Variants in RNF103 observed in about 807,000 individuals in gnomAD.
RNF103 encodes the protein E3 ubiquitin-protein ligase RNF103.
Under a neutral mutation model 66.2 loss-of-function variants are expected in RNF103, and 23 were observed. The observed-to-expected ratio is 0.35, with a 90% CI of 0.25 to 0.49. The LOEUF is 0.49. RNF103 is among the 20% of genes least tolerant of loss of function. RNF103 has a pLI of 0.98. For missense variants in RNF103, 730 were observed against 814.7 expected, an observed-to-expected ratio of 0.90 and a Z score of 1.27; for synonymous variants, 297 against 289.9, an observed-to-expected ratio of 1.02 and a Z score of -0.25.
At position 86,623,423 on chromosome 2, in the gene RNF103, G is replaced by C. The variant is rs1679315438; in HGVS notation, c.-537C>G. ...GGTCAGGAGGGCGCGGCGCTCGGCC[G>C]GGCCAGGCCCGGGGCCCAGCGTGTT... On this transcript the variant is annotated 5_prime_UTR_variant, in exon 1 of 4. Transcript: ENST00000237455. The C allele has an allele frequency of 6.1e-6, 6 of 981,684 alleles. No individual in the cohort carries two copies. Among genetic ancestry groups the C allele is most frequent in the Non-Finnish European group, 7.2e-6 (6 of 828,444 alleles). The allele number at this position is 981,684 out of a possible 1,614,324, so 60.8% of individuals were successfully genotyped here.
At chr2:86,609,311 A>G (rs1678692055) in intron 3 of RNF103, among the ~76,000 whole-genome samples, 1 of 151,832 alleles carries the variant, frequency 6.6e-6, no homozygotes. Context: ...TGCTGGCACC[A>G]TGGTTCTTAT....
At chr2:86,618,195 G>A in intron 2 of RNF103, 1 of 251,240 alleles carries the variant, frequency 4.0e-6, no homozygotes, top group South Asian at 3.7e-5. Context: ...ATCATTATTT[G>A]TCCTTCACTT....
At chr2:86,620,492 A>C (rs571622982) in intron 1 of RNF103, 23 bp from the exon 2 acceptor site, 49 of 1,529,006 alleles carry the variant, frequency 3.2e-5, no homozygotes, top group Non-Finnish European at 4.2e-5. Context: ...AAAGAATAAC[A>C]CTAATAAGGT....
At chr2:86,620,208 T>TG (rs1260416261) in intron 2 of RNF103, 122 bp downstream of exon 2, 1 of 1,239,796 alleles carries the variant, frequency 8.1e-7, no homozygotes, top group Non-Finnish European at 1.0e-6. Flanking sequence ...CTAAGAGAAC[T>TG]GAGTTATGTG....
At chr2:86,606,642 G>A (rs1210360862) in intron 3 of RNF103, among the ~76,000 whole-genome samples, 6 of 127,510 alleles carry the variant, frequency 4.7e-5, no homozygotes, top group South Asian at 5.1e-4. Context: ...CAGCCTGGGC[G>A]ACAGAGCAAA....
At chr2:86,620,308 A>T in intron 2 of RNF103, 22 bp downstream of exon 2, 1 of 1,569,896 alleles carries the variant, frequency 6.4e-7, no homozygotes, top group Non-Finnish European at 8.7e-7. Flanking sequence ...TCGAATTATC[A>T]AATTATTACT....
intron 2 of RNF103, chr2:86,618,118 T>A (rs542867693): frequency 2.8e-6 from 1 of 353,024 alleles, no homozygotes; most frequent in Non-Finnish European, 5.9e-6. Context: ...TTAATACCTA[T>A]AAGGTTTAAA....
intron 2 of RNF103, among the ~76,000 whole-genome samples, chr2:86,616,016 TA>T (rs1489966797): frequency 2.0e-5 from 3 of 152,254 alleles, no homozygotes; most frequent in East Asian, 3.8e-4. Context: ...ATTTCTGTTA[TA>T]ATCAAAGTCC....
At chr2:86,608,486 C>CAAAAAAAAA (rs1222638516) in intron 3 of RNF103, among the ~76,000 whole-genome samples, 2 of 40,098 alleles carry the variant, frequency 5.0e-5, no homozygotes, top group Non-Finnish European at 1.2e-4. Context: ...GACTCCATCT[C>CAAAAAAAAA]AAAAAAAAAA....
chr2:86,616,308 T>C (rs966013607), intron 2 of RNF103: 1 of 197,462 alleles, frequency 5.1e-6, no homozygotes, highest in Non-Finnish European at 9.1e-6. Context: ...TGATATTTTC[T>C]GCATTCTCAG....
chr2:86,617,370 G>C, intron 2 of RNF103: 1 of 890,812 alleles, frequency 1.1e-6, no homozygotes, highest in Non-Finnish European at 1.3e-6. Flanking sequence ...GTCAACTGCA[G>C]TCCGAAAATA....
At position 86,604,332 on chromosome 2, in the gene RNF103, C is replaced by G. The variant is rs61760873; in HGVS notation, c.1569G>C (p.Gln523His). 1 of 1,614,242 alleles carries G rather than the reference C, an allele frequency of 6.2e-7. No individual in the cohort carries two copies. Among genetic ancestry groups the G allele is most frequent in the Admixed American group, 1.7e-5 (1 of 60,024 alleles). ...PMWRFKCLGV[Q>H]SEEEMSEGSQ... ...ACCCCTCCGACATTTCCTCTTCAGA[C>G]TGGACTCCAAGACATTTAAATCGCC... The change falls in exon 4 of 4, where the codon CAG becomes CAC. Residue 523 changes from glutamine to histidine, a missense_variant. Coordinates refer to ENST00000237455, the MANE Select transcript of RNF103 (RefSeq NM_005667.4).
chr2:86,609,918 T>A (rs1348956775), intron 3 of RNF103, among the ~76,000 whole-genome samples: 3 of 152,168 alleles, frequency 2.0e-5, no homozygotes, highest in African/African-American at 7.2e-5. Context: ...ATTAAAACAC[T>A]TCCTGAATAA....
At chr2:86,620,892 T>C (rs1190716829) in intron 1 of RNF103, among the ~76,000 whole-genome samples, 1 of 152,206 alleles carries the variant, frequency 6.6e-6, no homozygotes, top group African/African-American at 2.4e-5. Flanking sequence ...GATGTAGAAT[T>C]GGGTTCACAG....
intron 3 of RNF103, among the ~76,000 whole-genome samples, chr2:86,609,543 C>T (rs1463973603): frequency 3.9e-5 from 6 of 152,010 alleles, no homozygotes; most frequent in South Asian, 2.1e-4. Flanking sequence ...CCCGCCACCA[C>T]GCCTGGCTAA....
intron 3 of RNF103, among the ~76,000 whole-genome samples, chr2:86,611,275 C>T (rs1029471510): frequency 1.3e-5 from 2 of 152,024 alleles, no homozygotes; most frequent in Non-Finnish European, 2.9e-5. Context: ...TTAAGAGATA[C>T]AGGAACTTCC....
chr2:86,617,325 G>A, intron 2 of RNF103: 9 of 985,282 alleles, frequency 9.1e-6, no homozygotes, highest in Non-Finnish European at 1.1e-5. Context: ...CTAAAATACA[G>A]TGGTCTCCCC....
At chr2:86,615,090 C>T in intron 2 of RNF103, 1 of 985,400 alleles carries the variant, frequency 1.0e-6, no homozygotes, top group South Asian at 4.7e-5. Flanking sequence ...GAGAGGGGTT[C>T]TTCCCAGGTA....
intron 2 of RNF103, chr2:86,614,180 C>T (rs1678919169): frequency 6.6e-6 from 1 of 152,154 alleles, no homozygotes; most frequent in Admixed American, 6.5e-5. Flanking sequence ...GCTGAAGTAA[C>T]CAGGAAGAAG....
Sources: gnomAD v4.1 joint callset for allele counts (sites outside exome capture counted in the v4.1 genomes callset) on GRCh38, gnomAD v4.1.1 for gene constraint, MANE v1.5 for transcripts, NCBI Gene and HGNC (gene_info 2026-07-23, HGNC 2026-07-21) for gene names.